PCTP: variants seen among roughly 807,000 people sequenced by gnomAD.
PCTP encodes the protein phosphatidylcholine transfer protein.
In PCTP, 27 loss-of-function variants were observed where a neutral mutation model predicts 31.0. The observed-to-expected ratio is 0.87, with a 90% CI of 0.64 to 1.20. The LOEUF is 1.20. Among genes scored for constraint, PCTP ranks in the 50% most tolerant of loss-of-function variants. PCTP has a pLI of 0.00. For synonymous variants in PCTP, 108 were observed against 101.2 expected, an observed-to-expected ratio of 1.07 and a Z score of -0.40; for missense variants, 287 against 268.2, an observed-to-expected ratio of 1.07 and a Z score of -0.49.
rs1911323261 is a variant in PCTP, at chr17:55,776,227, C to G, written c.*127C>G. On this transcript the variant is annotated 3_prime_UTR_variant, in exon 6 of 6. Transcript: ENST00000268896. ...CTCTGGAAGAGCACCCACCACTGTT[C>G]AGCCTTCCCCTGCTGTTTCTGTCTT... is the stretch of plus-strand genomic sequence containing the variant. 2 of 1,471,724 alleles carry G rather than the reference C, an allele frequency of 1.4e-6. No homozygotes were observed. Among genetic ancestry groups the G allele is most frequent in the African/African-American group, 1.4e-5 (1 of 70,382 alleles). 91.2% of individuals were successfully genotyped at this position (1,471,724 alleles called of 1,614,324 possible). A position where few individuals can be genotyped will look rare whatever the true frequency, so the allele number is the denominator to read the frequency against.
intron 3 of PCTP, among the ~76,000 whole-genome samples, chr17:55,819,417 C>A (rs940682965): frequency 1.6e-4 from 25 of 152,012 alleles, no homozygotes; most frequent in African/African-American, 6.0e-4. Context: ...AAAAGAAGAA[C>A]AAAATTGGAA....
chr17:55,784,992 A>T (rs891660319), intron 2 of PCTP, among the ~76,000 whole-genome samples: 20 of 152,040 alleles, frequency 1.3e-4, no homozygotes, highest in Admixed American at 1.1e-3. Context: ...TATGGTATGC[A>T]GCTTTCTGAC....
At chr17:55,845,813 C>T (rs1173243262), downstream of PCTP, among the ~76,000 whole-genome samples, 1 of 151,876 alleles carries the variant, frequency 6.6e-6, no homozygotes, top group Non-Finnish European at 1.5e-5. Flanking sequence ...CCCCATTCTC[C>T]CATCTTTAGC....
chr17:55,785,745 G>C (rs917618466), intron 2 of PCTP, among the ~76,000 whole-genome samples: 1 of 152,142 alleles, frequency 6.6e-6, no homozygotes, highest in African/African-American at 2.4e-5. Flanking sequence ...CAAAATATCT[G>C]TCCTTTTGCT....
chr17:55,845,801 C>G (rs558761947), downstream of PCTP, among the ~76,000 whole-genome samples: 26 of 152,176 alleles, frequency 1.7e-4, no homozygotes, highest in South Asian at 5.2e-3. Flanking sequence ...AACACCCCCT[C>G]CCCCCATTCT....
At chr17:55,816,020 C>A (rs112610446) in intron 3 of PCTP, among the ~76,000 whole-genome samples, 42 of 152,274 alleles carry the variant, frequency 2.8e-4, no homozygotes, top group African/African-American at 9.4e-4. Flanking sequence ...TTAGTGCTGT[C>A]TACCTGAAAT....
chr17:55,820,063 A>G (rs1913065689), intron 3 of PCTP, among the ~76,000 whole-genome samples: 1 of 152,250 alleles, frequency 6.6e-6, no homozygotes, highest in South Asian at 2.1e-4. Flanking sequence ...AAGCTATAAA[A>G]TTCTTAGAAG....
intron 3 of PCTP, among the ~76,000 whole-genome samples, chr17:55,796,554 C>T (rs1005331641): frequency 6.6e-6 from 1 of 151,980 alleles, no homozygotes; most frequent in African/African-American, 2.4e-5. Flanking sequence ...GCAGACATAG[C>T]TAAGCATTTG....
chr17:55,820,427 A>G (rs528859281), intron 3 of PCTP, among the ~76,000 whole-genome samples: 2 of 152,308 alleles, frequency 1.3e-5, no homozygotes, highest in African/African-American at 2.4e-5. Context: ...TGGGCTTCCA[A>G]AATAGTGCCT....
intron 1 of PCTP, among the ~76,000 whole-genome samples, chr17:55,761,454 G>A (rs542840163): frequency 2.8e-4 from 42 of 150,592 alleles, no homozygotes; most frequent in African/African-American, 1.0e-3. Context: ...GTGAATACCA[G>A]CTGGTATTCA....
chr17:55,831,991 C>T (rs2145080407), intron 5 of PCTP, among the ~76,000 whole-genome samples: 1 of 152,276 alleles, frequency 6.6e-6, no homozygotes, highest in East Asian at 1.9e-4. Flanking sequence ...AAGAGAATGG[C>T]ATGAACCCGG....
At chr17:55,790,862 A>G in intron 3 of PCTP, among the ~76,000 whole-genome samples, 3 of 150,164 alleles carry the variant, frequency 2.0e-5, no homozygotes, top group African/African-American at 7.6e-5. Context: ...TCCTAAGCCA[A>G]AAGAACAAAG....
chr17:55,845,654 C>G (rs961136419), downstream of PCTP, among the ~76,000 whole-genome samples: 3 of 152,138 alleles, frequency 2.0e-5, no homozygotes, highest in Non-Finnish European at 4.4e-5. Flanking sequence ...TGGTGCCCAG[C>G]GCAGTCAGAG....
rs56823756 is a variant in PCTP, at chr17:55,819,010, C to CAAAAAAAAAAAAAAA, written c.318-3738_318-3724dup. On this transcript the variant is annotated intron_variant, in intron 3 of 3. Transcript: ENST00000572536. ...GTCCTACCAGGCTCTGGAAAGAAAT[C>CAAAAAAAAAAAAAAA]AAAAAAAAAAAAAAAAAAAAAAAAA... is the stretch of plus-strand genomic sequence containing the variant. Among the ~76,000 whole-genome samples, 55 of 51,096 alleles carry CAAAAAAAAAAAAAAA rather than the reference C, an allele frequency of 1.1e-3. 2 individuals carry two copies. The highest frequency in any genetic ancestry group is 1.2e-3 in the Non-Finnish European group (33 of 26,898). The allele number at this position is 51,096 out of a possible 152,430, so 33.5% of individuals were successfully genotyped here. A position where few individuals can be genotyped will look rare whatever the true frequency, so the allele number is the denominator to read the frequency against.
intron 3 of PCTP, chr17:55,822,694 AGT>A: frequency 1.2e-6 from 1 of 840,482 alleles, no homozygotes. Flanking sequence ...TGCATCCTGA[AGT>A]ATCCCCAGGA....
intron 3 of PCTP, 24 bp downstream of exon 3, chr17:55,771,209 T>A: frequency 6.4e-7 from 1 of 1,557,230 alleles, no homozygotes; most frequent in African/African-American, 1.4e-5. Flanking sequence ...AAGGTACTCA[T>A]TCCCTGGCCC....
At chr17:55,813,064 T>C (rs996174147) in intron 3 of PCTP, among the ~76,000 whole-genome samples, 5 of 151,822 alleles carry the variant, frequency 3.3e-5, no homozygotes, top group Non-Finnish European at 5.9e-5. Flanking sequence ...ACCAAAGGGG[T>C]TGGGTTGTGC....
Position 55,776,714 on chromosome 17 carries a change from G to A in PCTP, c.*614G>A, listed in dbSNP as rs1911350494. 1 of 1,202,730 alleles carries A rather than the reference G, an allele frequency of 8.3e-7. No homozygotes were observed. Among genetic ancestry groups the A allele is most frequent in the South Asian group, 4.3e-5 (1 of 23,210 alleles). The allele number at this position is 1,202,730 out of a possible 1,614,324, so 74.5% of individuals were successfully genotyped here. A position where few individuals can be genotyped will look rare whatever the true frequency, so the allele number is the denominator to read the frequency against. On this transcript the variant is annotated 3_prime_UTR_variant, in exon 6 of 6. Transcript: ENST00000268896. Reference sequence around the variant, plus strand: ...TCTTTCCTCGTTCCTACTTGTGGAGGATCAGTAGCTGTTATGATGCCAGAC... The same window carrying A: ...TCTTTCCTCGTTCCTACTTGTGGAGAATCAGTAGCTGTTATGATGCCAGAC...
intron 3 of PCTP, among the ~76,000 whole-genome samples, chr17:55,788,111 A>G (rs571347716): frequency 6.6e-6 from 1 of 152,316 alleles, no homozygotes; most frequent in South Asian, 2.1e-4. Context: ...CGAATTTTAT[A>G]TATCTAAACT....
Sources: allele counts gnomAD v4.1 joint callset (sites outside exome capture counted in the v4.1 genomes callset), GRCh38; gene constraint gnomAD v4.1.1; transcripts MANE v1.5; gene names NCBI Gene and HGNC (gene_info 2026-07-23, HGNC 2026-07-21).